The following BEND4 variants were observed in gnomAD, a reference collection of about 807,000 sequenced individuals.
The protein encoded by BEND4 is BEN domain containing 4.
A neutral mutation model predicts 54.7 loss-of-function variants in BEND4; 27 were observed. That is an observed-to-expected ratio of 0.49 (90% CI 0.36 to 0.68). BEND4 has a LOEUF of 0.68. BEND4 is among the 30% of genes least tolerant of loss of function. The pLI is 0.00. For synonymous variants in BEND4, 327 were observed against 299.5 expected, an observed-to-expected ratio of 1.09 and a Z score of -0.95; for missense variants, 702 against 697.2, an observed-to-expected ratio of 1.01 and a Z score of -0.08.
At chr4:42,143,290 C>T (rs1720953080) in intron 3 of BEND4, 138 bp downstream of exon 3, 7 of 763,914 alleles carry the variant, frequency 9.2e-6, no homozygotes, top group South Asian at 1.9e-5. Context: ...AACTTTTCTA[C>T]ATCACTGGCC....
Position 42,111,624 on chromosome 4 carries a change from C to CTTT in BEND4, c.*5893_*5894insAAA, listed in dbSNP as rs1719574015. 1.3e-5 allele frequency: 2 copies of CTTT among 152,224 alleles called. No individual in the cohort carries two copies. Among genetic ancestry groups the CTTT allele is most frequent in the Non-Finnish European group, 2.9e-5 (2 of 68,048 alleles). The allele number at this position is 152,224 out of a possible 1,614,324, so 9.4% of individuals were successfully genotyped here. Reference sequence around the variant, plus strand: ...ACTACAGGAAAAAATCAACAGATTACTGTATTTTCTTACAAAATTTTCACA... The same window carrying CTTT: ...ACTACAGGAAAAAATCAACAGATTACTTTTGTATTTTCTTACAAAATTTTCACA... On this transcript the variant is annotated 3_prime_UTR_variant, in exon 6 of 6. Coordinates refer to ENST00000502486, the MANE Select transcript of BEND4 (RefSeq NM_207406.4).
rs1720959831 is a variant in BEND4 at position 42,143,462 on chromosome 4, A to G, written c.1020T>C (p.Asn340=). The part of the protein sequence containing the change: ...EQEVISLQQE[N]EELRRKLESI... ...TCTCTAATTTCCTTCTGAGCTCTTC[A>G]TTTTCTTGTTGCAGTGAAATAACCT... is the stretch of plus-strand genomic sequence containing the variant. Residue 340 remains asparagine (N), a synonymous_variant, in exon 3 of 6, where the codon AAT becomes AAC. Transcript: ENST00000502486. The G allele has an allele frequency of 1.9e-6, 3 of 1,552,122 alleles. No homozygotes were observed. The highest frequency in any genetic ancestry group is 4.9e-5 in the East Asian group (2 of 40,922).
intron 3 of BEND4, among the ~76,000 whole-genome samples, chr4:42,141,562 T>C (rs1360363283): frequency 6.6e-6 from 1 of 152,010 alleles, no homozygotes; most frequent in Non-Finnish European, 1.5e-5. Flanking sequence ...CGAAACGCTG[T>C]CTCTACTAAA....
At position 42,116,583 on chromosome 4, in the gene BEND4, T is replaced by G. The variant is rs1413209418; in HGVS notation, c.*935A>C. 1 of 152,222 alleles carries G rather than the reference T, an allele frequency of 6.6e-6. No individual in the cohort carries two copies. Among genetic ancestry groups the G allele is most frequent in the Non-Finnish European group, 1.5e-5 (1 of 68,040 alleles). 9.4% of individuals were successfully genotyped at this position (152,222 alleles called of 1,614,324 possible). A position where few individuals can be genotyped will look rare whatever the true frequency, so the allele number is the denominator to read the frequency against. On this transcript the variant is annotated 3_prime_UTR_variant, in exon 6 of 6. Transcript: ENST00000502486. ...AGCAATTACTGACAAGCCCATTGCA[T>G]AGTTGTCAGAATCGCCTTGAAGCTG...
rs74803774 is a variant in BEND4, at chr4:42,135,286, C to A, written c.1054+8142G>T. ...GATGGATCTGAGGTCCCCTACCTGG[C>A]CAACTAATTGAATGGTGACACCTTT... On this transcript the variant is annotated intron_variant, in intron 3 of 5. Coordinates refer to ENST00000502486, the MANE Select transcript of BEND4 (RefSeq NM_207406.4). Among the ~76,000 whole-genome samples, 85 of 152,204 alleles carry A rather than the reference C, an allele frequency of 5.6e-4. 1 individual carries two copies. In the East Asian group the frequency reaches 0.016, roughly 28 times the overall value.
chr4:42,130,950 G>C (rs1203089654), intron 3 of BEND4, among the ~76,000 whole-genome samples: 1 of 152,146 alleles, frequency 6.6e-6, no homozygotes, highest in Non-Finnish European at 1.5e-5. Context: ...ATTATCCTCA[G>C]CAAACTAATG....
chr4:42,139,788 G>A (rs1340236201), intron 3 of BEND4, among the ~76,000 whole-genome samples: 4 of 152,072 alleles, frequency 2.6e-5, no homozygotes, highest in African/African-American at 9.7e-5. Context: ...CACAACACAG[G>A]TAGATTCTAC....
Position 42,117,251 on chromosome 4 carries a change from T to A in BEND4, c.*267A>T, listed in dbSNP as rs900817708. The stretch of plus-strand genomic sequence containing the variant: ...GAAAGGTAACTAGGAGCTCACCTAT[T>A]TTTTCACCCTCATGATCTAGCTAGT... On this transcript the variant is annotated 3_prime_UTR_variant, in exon 6 of 6. Coordinates refer to ENST00000502486, the MANE Select transcript of BEND4 (RefSeq NM_207406.4). 3.2e-6 allele frequency: 1 copy of A among 308,034 alleles called. No individual in the cohort carries two copies. The highest frequency in any genetic ancestry group is 5.9e-6 in the Non-Finnish European group (1 of 170,194). 19.1% of individuals were successfully genotyped at this position (308,034 alleles called of 1,614,324 possible). A position where few individuals can be genotyped will look rare whatever the true frequency, so the allele number is the denominator to read the frequency against.
In BEND4 at chr4:42,117,636, T is replaced by C; in HGVS notation, c.1487A>G (p.Gln496Arg). Residue 496 changes from glutamine to arginine, a missense_variant, in exon 6 of 6, where the codon CAG becomes CGG. By Grantham distance (43) the Gln-to-Arg change is conservative. Coordinates refer to ENST00000502486, the MANE Select transcript of BEND4 (RefSeq NM_207406.4). ...CAGGAAAGTCCCCACCGCCCGCCCC[T>C]GTCGGGCGTGACCGACAGCGTCGCT... ...VFSDAVGHARQGRAVGTFLHN... is the reference protein window; with the variant it reads ...VFSDAVGHARRGRAVGTFLHN... The C allele has an allele frequency of 6.2e-7, 1 of 1,612,318 alleles. No individual in the cohort carries two copies. The highest frequency in any genetic ancestry group is 8.5e-7 in the Non-Finnish European group (1 of 1,179,062).
intron 2 of BEND4, among the ~76,000 whole-genome samples, chr4:42,150,225 G>T (rs943556098): frequency 3.3e-5 from 5 of 152,074 alleles, no homozygotes; most frequent in African/African-American, 1.2e-4. Flanking sequence ...AAAAAAGTAA[G>T]GAGGAAAATC....
Position 42,120,142 on chromosome 4 carries a change from G to T in BEND4, c.1299C>A (p.Gly433=). 3 of 1,613,910 alleles carry T rather than the reference G, an allele frequency of 1.9e-6. No individual in the cohort carries two copies. Among genetic ancestry groups the T allele is most frequent in the Non-Finnish European group, 2.5e-6 (3 of 1,179,856 alleles). Residue 433 remains glycine, a synonymous_variant, in exon 5 of 6, where the codon GGC becomes GGA. Coordinates refer to ENST00000502486, the MANE Select transcript of BEND4 (RefSeq NM_207406.4). ...FTTDELKYSC[G]LGKRKRSVQS... The stretch of plus-strand genomic sequence containing the variant: ...GCACTGACCTTTTCCTTTTCCCAAG[G>T]CCGCATGAGTACTTAAGCTCATCGG...
Position 42,151,785 on chromosome 4 carries a change from G to C in BEND4, c.359C>G (p.Pro120Arg). Residue 120 changes from proline (P) to arginine (R), a missense_variant, in exon 2 of 6, where the codon CCG (proline) becomes CGG (arginine). Coordinates refer to ENST00000502486, the MANE Select transcript of BEND4 (RefSeq NM_207406.4). Reference protein sequence around the residue: ...QGHLRTPAQPPPASPAASSSS... With the variant: ...QGHLRTPAQPRPASPAASSSS... ...CGAGGAGGCGGCGGGGGACGCGGGC[G>C]GCGGCTGCGCCGGAGTCCTCAAGTG... 2.7e-6 allele frequency: 4 copies of C among 1,492,616 alleles called. No individual in the cohort carries two copies. Among genetic ancestry groups the C allele is most frequent in the Non-Finnish European group, 3.5e-6 (4 of 1,128,414 alleles). 92.5% of individuals were successfully genotyped at this position (1,492,616 alleles called of 1,614,324 possible).
rs542024541 is a variant in BEND4 at position 42,113,245 on chromosome 4, G to A, written c.*4273C>T. On this transcript the variant is annotated 3_prime_UTR_variant, in exon 6 of 6. Transcript: ENST00000502486. ...CAGATCTGTACTGTGAAATGACACA[G>A]CACTGAATGAGGAAAGTTATACATT... 2.0e-5 allele frequency: 3 copies of A among 152,282 alleles called. No individual in the cohort carries two copies. Among genetic ancestry groups the A allele is most frequent in the African/African-American group, 7.2e-5 (3 of 41,554 alleles). 9.4% of individuals were successfully genotyped at this position (152,282 alleles called of 1,614,324 possible).
In BEND4 at chr4:42,152,194, C is replaced by A; in HGVS notation, c.-51G>T. The stretch of plus-strand genomic sequence containing the variant: ...GAGCACGTCCCCTCCCCGCCGGGCG[C>A]CGGGCTCCGAGGGTGCCTCCGCCGC... On this transcript the variant is annotated 5_prime_UTR_variant, in exon 2 of 6. Coordinates refer to ENST00000502486, the MANE Select transcript of BEND4 (RefSeq NM_207406.4). 8.1e-7 allele frequency: 1 copy of A among 1,234,730 alleles called. No homozygotes were observed. Among genetic ancestry groups the A allele is most frequent in the Admixed American group, 4.3e-5 (1 of 23,370 alleles). The allele number at this position is 1,234,730 out of a possible 1,614,324, so 76.5% of individuals were successfully genotyped here. A position where few individuals can be genotyped will look rare whatever the true frequency, so the allele number is the denominator to read the frequency against.
intron 3 of BEND4, among the ~76,000 whole-genome samples, chr4:42,142,512 A>C (rs1006816565): frequency 2.6e-5 from 4 of 151,286 alleles, no homozygotes; most frequent in African/African-American, 9.7e-5. Flanking sequence ...GGGTGCCTGT[A>C]ATCCCAGCTA....
rs749027109 is a variant in BEND4 at position 42,117,469 on chromosome 4, A to C, written c.*49T>G. On this transcript the variant is annotated 3_prime_UTR_variant, in exon 6 of 6. Coordinates refer to ENST00000502486, the MANE Select transcript of BEND4 (RefSeq NM_207406.4). ...AGGTGACAGGAACAGGACATTCACA[A>C]TTGGAACTCTTGAGAGGACCAGCTG... The C allele has an allele frequency of 3.1e-5, 42 of 1,351,872 alleles. No individual in the cohort carries two copies. The highest frequency in any genetic ancestry group is 4.2e-5 in the Non-Finnish European group (41 of 964,758). 83.7% of individuals were successfully genotyped at this position (1,351,872 alleles called of 1,614,324 possible).
intron 3 of BEND4, among the ~76,000 whole-genome samples, chr4:42,129,270 A>C (rs550256709): frequency 3.9e-5 from 6 of 152,340 alleles, no homozygotes; most frequent in African/African-American, 1.4e-4. Context: ...TAAGAAAATC[A>C]GAGAGGACAC....
intron 2 of BEND4, among the ~76,000 whole-genome samples, chr4:42,149,266 G>A (rs1202057928): frequency 7.2e-6 from 1 of 138,308 alleles, no homozygotes; most frequent in Non-Finnish European, 1.5e-5. Context: ...AAAGTGGAAC[G>A]ACTAGTTTCT....
chr4:42,120,906 A>G (rs1358974131), intron 4 of BEND4, among the ~76,000 whole-genome samples: 1 of 152,140 alleles, frequency 6.6e-6, no homozygotes, highest in East Asian at 1.9e-4. Flanking sequence ...CACTATGTCA[A>G]CTCAAAATTT....
Sources: gnomAD v4.1 joint callset for allele counts (sites outside exome capture counted in the v4.1 genomes callset) on GRCh38, gnomAD v4.1.1 for gene constraint, MANE v1.5 for transcripts, NCBI Gene and HGNC (gene_info 2026-07-23, HGNC 2026-07-21) for gene names.